Variants in SHC4 observed in about 807,000 individuals in gnomAD.
The protein encoded by SHC4 is SHC adaptor protein 4.
SHC4 carries 41 observed loss-of-function variants against 69.4 expected under a neutral mutation model. That is an observed-to-expected ratio of 0.59 (90% CI 0.46 to 0.77). The LOEUF (loss-of-function observed/expected upper bound fraction) is 0.77, where lower values mean the gene tolerates loss of function less well. SHC4 is among the 30% of genes least tolerant of loss of function. SHC4 has a pLI of 0.00. For synonymous variants in SHC4, 318 were observed against 299.3 expected, an observed-to-expected ratio of 1.06 and a Z score of -0.64; for missense variants, 777 against 783.8, an observed-to-expected ratio of 0.99 and a Z score of 0.10.
chr15:48,849,412 G>A (rs1899162873), intron 9 of SHC4, among the ~76,000 whole-genome samples: 1 of 152,086 alleles, frequency 6.6e-6, no homozygotes, highest in African/African-American at 2.4e-5. Context: ...AACATCTTGG[G>A]CTTTGAAACA....
intron 1 of SHC4, among the ~76,000 whole-genome samples, chr15:48,945,594 T>C (rs962783521): frequency 6.6e-6 from 1 of 152,182 alleles, no homozygotes; most frequent in African/African-American, 2.4e-5. Flanking sequence ...AAACACTTGC[T>C]CAATGACAGG....
chr15:48,946,452 C>G, intron 1 of SHC4: 1 of 487,426 alleles, frequency 2.1e-6, no homozygotes, highest in Non-Finnish European at 2.7e-6. Context: ...CCTTCCTCAT[C>G]CTTCCTCTTC....
chr15:48,828,093 A>G (rs1208282450), intron 11 of SHC4, among the ~76,000 whole-genome samples: 11 of 148,750 alleles, frequency 7.4e-5, no homozygotes, highest in South Asian at 2.2e-4. Context: ...ATATGTATGT[A>G]TGTGTGTGTG....
intron 2 of SHC4, among the ~76,000 whole-genome samples, chr15:48,898,782 T>C (rs1900267191): frequency 6.6e-6 from 1 of 152,168 alleles, no homozygotes; most frequent in Admixed American, 6.5e-5. Flanking sequence ...TATCTCAAAA[T>C]TCAAACACCT....
At chr15:48,902,128 G>C (rs542576983) in intron 2 of SHC4, among the ~76,000 whole-genome samples, 1 of 151,530 alleles carries the variant, frequency 6.6e-6, no homozygotes, top group Non-Finnish European at 1.5e-5. Flanking sequence ...GCTTGAGCCC[G>C]GGAGGTTAAG....
At chr15:48,860,485 C>T (rs540006065) in intron 6 of SHC4, among the ~76,000 whole-genome samples, 26 of 151,382 alleles carry the variant, frequency 1.7e-4, no homozygotes, top group South Asian at 1.7e-3. Flanking sequence ...CCAGTCTGGG[C>T]GACGAGTGAA....
At chr15:48,878,438 G>C (rs759416600) in intron 4 of SHC4, 5 of 1,612,944 alleles carry the variant, frequency 3.1e-6, no homozygotes, top group Non-Finnish European at 3.4e-6. Context: ...GCCAGGCCAG[G>C]TGGCGGGCGC....
intron 1 of SHC4, among the ~76,000 whole-genome samples, chr15:48,949,611 G>A (rs969951457): frequency 3.3e-5 from 5 of 151,932 alleles, no homozygotes; most frequent in Non-Finnish European, 5.9e-5. Context: ...TTAGGCTGAT[G>A]CTTAAGACTT....
At chr15:48,886,607 A>C (rs1900040349) in intron 3 of SHC4, among the ~76,000 whole-genome samples, 1 of 152,218 alleles carries the variant, frequency 6.6e-6, no homozygotes, top group Admixed American at 6.5e-5. Flanking sequence ...TTTGTTTACC[A>C]AACAGGATTA....
chr15:48,912,260 T>G (rs1567067958), intron 2 of SHC4, among the ~76,000 whole-genome samples: 1 of 152,174 alleles, frequency 6.6e-6, no homozygotes, highest in African/African-American at 2.4e-5. Flanking sequence ...CCCAGACTTC[T>G]TGGAGGCTTC....
At chr15:48,920,303 G>C (rs1208693881) in intron 2 of SHC4, among the ~76,000 whole-genome samples, 1 of 152,074 alleles carries the variant, frequency 6.6e-6, no homozygotes, top group Non-Finnish European at 1.5e-5. Context: ...TTACAGGCGT[G>C]AGCCACTGCG....
rs1363903588 is a variant in SHC4 at position 48,963,028 on chromosome 15, G to C, written c.-13C>G. On this transcript the variant is annotated 5_prime_UTR_variant, in exon 1 of 12. Transcript: ENST00000332408. ...CGCGTTCTCGCATAGCCTTGGCAGTGCTGAAACAGGATACTGTTGCATAAA... is the reference window on the plus strand; with the variant it reads ...CGCGTTCTCGCATAGCCTTGGCAGTCCTGAAACAGGATACTGTTGCATAAA... The C allele has an allele frequency of 6.3e-7, 1 of 1,591,420 alleles. No homozygotes were observed. Among genetic ancestry groups the C allele is most frequent in the East Asian group, 2.2e-5 (1 of 44,580 alleles).
intron 10 of SHC4, among the ~76,000 whole-genome samples, chr15:48,842,836 T>C (rs1899017289): frequency 6.6e-6 from 1 of 151,934 alleles, no homozygotes; most frequent in Non-Finnish European, 1.5e-5. Context: ...GAGGCTGAGA[T>C]GAGAGGATCG....
At chr15:48,906,152 A>G (rs1171795711) in intron 2 of SHC4, among the ~76,000 whole-genome samples, 2 of 152,210 alleles carry the variant, frequency 1.3e-5, no homozygotes, top group African/African-American at 2.4e-5. Flanking sequence ...CCAAATATAT[A>G]CAGTACCTAT....
intron 1 of SHC4, among the ~76,000 whole-genome samples, chr15:48,933,568 A>G (rs918873939): frequency 3.3e-5 from 5 of 152,224 alleles, no homozygotes; most frequent in African/African-American, 1.2e-4. Flanking sequence ...ACAAATTGAC[A>G]AACTGATCCT....
chr15:48,846,882 G>C (rs568691370), intron 9 of SHC4, among the ~76,000 whole-genome samples: 1 of 152,086 alleles, frequency 6.6e-6, no homozygotes, highest in South Asian at 2.1e-4. Flanking sequence ...GTTAGCCTGA[G>C]CTAACCACAT....
intron 9 of SHC4, among the ~76,000 whole-genome samples, chr15:48,847,605 A>G (rs932213423): frequency 1.3e-5 from 2 of 152,236 alleles, no homozygotes; most frequent in Admixed American, 6.5e-5. Flanking sequence ...TCAAATGCCT[A>G]TATATGAATC....
rs190097319 is a variant in SHC4, at chr15:48,864,471, A to G, written c.946+3347T>C. Among the ~76,000 whole-genome samples the G allele has an allele frequency of 7.8e-3, 816 of 105,034 alleles. 12 individuals carry two copies. Among genetic ancestry groups the G allele is most frequent in the African/African-American group, 0.029 (777 of 27,036 alleles). The allele number at this position is 105,034 out of a possible 152,430, so 68.9% of individuals were successfully genotyped here. A position where few individuals can be genotyped will look rare whatever the true frequency, so the allele number is the denominator to read the frequency against. On this transcript the variant is annotated intron_variant, in intron 6 of 11. Transcript: ENST00000332408. ...TTTTTTTTTTTTTTTTTTTTGAGAC[A>G]GAGTCTTGCTCTGTCGCCCAGGCTG...
intron 11 of SHC4, among the ~76,000 whole-genome samples, chr15:48,833,496 G>A (rs1365990971): frequency 1.3e-5 from 2 of 152,082 alleles, no homozygotes; most frequent in East Asian, 3.9e-4. Context: ...TGGAATTCTG[G>A]ACACACTTCA....
Sources: allele counts gnomAD v4.1 joint callset (sites outside exome capture counted in the v4.1 genomes callset), GRCh38; gene constraint gnomAD v4.1.1; transcripts MANE v1.5; gene names NCBI Gene and HGNC (gene_info 2026-07-23, HGNC 2026-07-21).